The following PHACTR1 variants were observed in gnomAD, a reference collection of about 807,000 sequenced individuals.
The protein encoded by PHACTR1 is RPEL repeat containing 1.
In PHACTR1, 16 loss-of-function variants were observed where a neutral mutation model predicts 69.2. The ratio of observed to expected loss-of-function variants is 0.23; its 90% confidence interval spans 0.16 to 0.35. PHACTR1 has a LOEUF of 0.35. Among genes scored for constraint, PHACTR1 ranks in the 10% least tolerant of loss-of-function variants. The probability of loss-of-function intolerance (pLI) is 1.00; values close to 1 mark genes in which losing one functional copy is unlikely to be tolerated. For synonymous variants in PHACTR1, 312 were observed against 284.5 expected (o/e 1.10, Z -0.97); for missense variants, 510 against 734.7 (o/e 0.69, Z 3.54).
chr6:12,800,773 A>G (rs1002508654), intron 4 of PHACTR1, among the ~76,000 whole-genome samples: 1 of 152,082 alleles, frequency 6.6e-6, no homozygotes, highest in Non-Finnish European at 1.5e-5. Context: ...CTGTAGTCCC[A>G]GCTCTTTGGG....
At chr6:12,946,758 T>C (rs1008946367) in intron 4 of PHACTR1, among the ~76,000 whole-genome samples, 1 of 150,590 alleles carries the variant, frequency 6.6e-6, no homozygotes, top group African/African-American at 2.4e-5. Flanking sequence ...GGTAGAGGGC[T>C]CAGAGTCAAA....
At chr6:12,857,787 A>G (rs1780547735) in intron 4 of PHACTR1, among the ~76,000 whole-genome samples, 2 of 152,168 alleles carry the variant, frequency 1.3e-5, no homozygotes, top group Admixed American at 1.3e-4. Flanking sequence ...TCCCAGTACT[A>G]GTAATGATTC....
chr6:13,121,783 G>T (rs1818777653), intron 5 of PHACTR1, among the ~76,000 whole-genome samples: 1 of 152,142 alleles, frequency 6.6e-6, no homozygotes, highest in East Asian at 1.9e-4. Flanking sequence ...CTCGCCCAGG[G>T]CTGCAGCAAT....
chr6:13,233,109 G>A (rs1209469050), intron 10 of PHACTR1, among the ~76,000 whole-genome samples: 3 of 152,184 alleles, frequency 2.0e-5, no homozygotes, highest in Admixed American at 2.0e-4. Flanking sequence ...GACTAACACA[G>A]TAAAAAAGGG....
intron 3 of PHACTR1, among the ~76,000 whole-genome samples, chr6:12,736,920 C>T (rs562970945): frequency 1.2e-3 from 180 of 151,992 alleles, no homozygotes; most frequent in Middle Eastern, 0.01. Context: ...TGTCTGTGTG[C>T]GTATCTGTGT....
intron 5 of PHACTR1, among the ~76,000 whole-genome samples, chr6:13,129,019 A>C (rs1419616253): frequency 6.6e-6 from 1 of 152,202 alleles, no homozygotes; most frequent in African/African-American, 2.4e-5. Context: ...AAATAAAATA[A>C]TTGTCAGCCA....
intron 6 of PHACTR1, among the ~76,000 whole-genome samples, chr6:13,167,940 C>A (rs1216625668): frequency 2.0e-5 from 3 of 152,200 alleles, no homozygotes; most frequent in Non-Finnish European, 4.4e-5. Context: ...AAAACTTCTT[C>A]TCTGTATTAG....
intron 8 of PHACTR1, 69 bp downstream of exon 8, chr6:13,206,205 G>A (rs1765897777): frequency 7.1e-7 from 1 of 1,407,860 alleles, no homozygotes; most frequent in South Asian, 1.4e-5. Flanking sequence ...CTAGGGATTT[G>A]GACCATGACT....
At chr6:12,803,298 T>C (rs1379391307) in intron 4 of PHACTR1, among the ~76,000 whole-genome samples, 1 of 152,106 alleles carries the variant, frequency 6.6e-6, no homozygotes, top group Admixed American at 6.6e-5. Flanking sequence ...AGGACTGAGA[T>C]TGGTGGTCTC....
At chr6:12,880,882 G>A (rs1397227049) in intron 4 of PHACTR1, among the ~76,000 whole-genome samples, 3 of 152,088 alleles carry the variant, frequency 2.0e-5, no homozygotes, top group African/African-American at 7.2e-5. Flanking sequence ...TGGCTCAAAA[G>A]GAAATTTGGA....
intron 5 of PHACTR1, among the ~76,000 whole-genome samples, chr6:13,115,133 G>A (rs1192738495): frequency 6.6e-6 from 1 of 152,170 alleles, no homozygotes; most frequent in East Asian, 1.9e-4. Flanking sequence ...ATAGATAAGA[G>A]AACTGTATGA....
chr6:12,977,637 T>C (rs906238308), intron 4 of PHACTR1, among the ~76,000 whole-genome samples: 2 of 152,198 alleles, frequency 1.3e-5, no homozygotes, highest in Non-Finnish European at 2.9e-5. Flanking sequence ...ATTAGTGTAA[T>C]GTAAGGATCG....
intron 4 of PHACTR1, among the ~76,000 whole-genome samples, chr6:13,022,032 C>T (rs544166185): frequency 6.6e-6 from 1 of 152,190 alleles, no homozygotes; most frequent in Non-Finnish European, 1.5e-5. Context: ...CTCCCACCTT[C>T]GGGCAATCAA....
chr6:12,976,021 T>TC (rs1271995362), intron 4 of PHACTR1, among the ~76,000 whole-genome samples: 1 of 152,202 alleles, frequency 6.6e-6, no homozygotes, highest in African/African-American at 2.4e-5. Context: ...AAAATTTAAT[T>TC]CCTTTTCCCC....
intron 4 of PHACTR1, among the ~76,000 whole-genome samples, chr6:12,932,052 G>A (rs536085825): frequency 6.6e-6 from 1 of 152,164 alleles, no homozygotes; most frequent in Non-Finnish European, 1.5e-5. Flanking sequence ...CAGAAATGCT[G>A]GAGGTAGGAC....
intron 5 of PHACTR1, among the ~76,000 whole-genome samples, chr6:13,088,322 G>C (rs190278817): frequency 2.5e-5 from 3 of 119,988 alleles, no homozygotes; most frequent in African/African-American, 4.1e-5. Context: ...ACTACCCCCC[G>C]CAAAAAAAAA....
intron 8 of PHACTR1, chr6:13,214,225 A>AAG (rs1190012360): frequency 2.0e-5 from 3 of 151,480 alleles, no homozygotes; most frequent in Non-Finnish European, 4.4e-5. Flanking sequence ...CCCTGAAAAA[A>AAG]AAAAAAGCAA....
At position 12,798,668 on chromosome 6, in the gene PHACTR1, C is replaced by T. The variant is rs532313078; in HGVS notation, c.250+48878C>T. 1.2e-4 allele frequency among the ~76,000 whole-genome samples: 19 copies of T among 152,264 alleles called. No homozygotes were observed. In the South Asian group the frequency reaches 3.9e-3, roughly 32 times the overall value. ...CTAAGTGGGGGTGTGGTGACTTGTCCTGTATGCTTTGGATGGTCGCTGAAG... is the reference window on the plus strand; with the variant it reads ...CTAAGTGGGGGTGTGGTGACTTGTCTTGTATGCTTTGGATGGTCGCTGAAG... On this transcript the variant is annotated intron_variant, in intron 4 of 14. Coordinates refer to ENST00000332995, the MANE Select transcript of PHACTR1 (RefSeq NM_030948.6).
chr6:12,875,228 A>C (rs762658474), intron 4 of PHACTR1, among the ~76,000 whole-genome samples: 1 of 152,214 alleles, frequency 6.6e-6, no homozygotes, highest in Non-Finnish European at 1.5e-5. Context: ...AATGGCGTGC[A>C]TGTTACAATT....
Sources: allele counts gnomAD v4.1 joint callset (sites outside exome capture counted in the v4.1 genomes callset), GRCh38; gene constraint gnomAD v4.1.1; transcripts MANE v1.5; gene names NCBI Gene and HGNC (gene_info 2026-07-23, HGNC 2026-07-21).